The following FAM81A variants were observed in gnomAD, a reference collection of about 807,000 sequenced individuals.
The protein encoded by FAM81A is protein FAM81A.
FAM81A carries 19 observed loss-of-function variants against 46.7 expected under a neutral mutation model. The observed-to-expected ratio is 0.41, with a 90% CI of 0.28 to 0.60. The LOEUF is 0.60. FAM81A is among the 20% of genes least tolerant of loss of function. FAM81A has a pLI of 0.34. For synonymous variants in FAM81A, 183 were observed against 152.9 expected, an observed-to-expected ratio of 1.20 and a Z score of -1.45; for missense variants, 377 against 453.5, an observed-to-expected ratio of 0.83 and a Z score of 1.53.
intron 1 of FAM81A, chr15:59,402,078 C>T: frequency 4.0e-6 from 2 of 502,918 alleles, no homozygotes; most frequent in Non-Finnish European, 7.1e-6. Context: ...TCTTAGAGAC[C>T]CATGAGCTGA....
At chr15:59,478,656 G>C (rs2141703979) in intron 3 of FAM81A, among the ~76,000 whole-genome samples, 1 of 152,280 alleles carries the variant, frequency 6.6e-6, no homozygotes, top group East Asian at 1.9e-4. Flanking sequence ...AATTCATTTT[G>C]TTTTCATTCT....
intron 2 of FAM81A, among the ~76,000 whole-genome samples, chr15:59,426,617 A>G (rs1174319155): frequency 1.3e-5 from 2 of 152,228 alleles, no homozygotes; most frequent in Non-Finnish European, 2.9e-5. Flanking sequence ...TGTCTCAAAA[A>G]CACCCAAACA....
intron 2 of FAM81A, among the ~76,000 whole-genome samples, chr15:59,422,483 T>A (rs2081178361): frequency 6.6e-6 from 1 of 152,070 alleles, no homozygotes; most frequent in Non-Finnish European, 1.5e-5. Context: ...TTATTTTATT[T>A]ATTTATTTTT....
At chr15:59,435,043 C>A (rs1201612623), upstream of FAM81A, among the ~76,000 whole-genome samples, 2 of 152,222 alleles carry the variant, frequency 1.3e-5, no homozygotes, top group Non-Finnish European at 2.9e-5. Context: ...AATCCCAGCA[C>A]TTTGGGAGGC....
intron 6 of FAM81A, among the ~76,000 whole-genome samples, chr15:59,513,744 A>G (rs979524527): frequency 2.0e-5 from 3 of 152,204 alleles, no homozygotes; most frequent in African/African-American, 7.2e-5. Flanking sequence ...CCAAAGGAAT[A>G]TACATCATTC....
chr15:59,412,637 G>A lies in FAM81A; in HGVS notation c.-78+10279G>A, dbSNP rs192796123. On this transcript the variant is annotated intron_variant, in intron 2 of 4. Coordinates refer to the FAM81A transcript ENST00000558348. Reference sequence around the variant, plus strand: ...AGCTATTCTGGAGGTTGAGGTGGGAGAATTGCCTGAGTCCAGGAGGTTGAG... The same window carrying A: ...AGCTATTCTGGAGGTTGAGGTGGGAAAATTGCCTGAGTCCAGGAGGTTGAG... Among the ~76,000 whole-genome samples the A allele has an allele frequency of 5.3e-5, 8 of 151,946 alleles. No homozygotes were observed. In the East Asian group the frequency reaches 1.4e-3, roughly 26 times the overall value.
At chr15:59,450,468 C>G (rs1250445087) in intron 1 of FAM81A, among the ~76,000 whole-genome samples, 2 of 152,046 alleles carry the variant, frequency 1.3e-5, no homozygotes, top group African/African-American at 2.4e-5. Flanking sequence ...TTCAGCTTTA[C>G]TAGATATTCA....
At chr15:59,507,438 G>C (rs745313016) in intron 5 of FAM81A, 96 bp downstream of exon 5, 14 of 1,479,628 alleles carry the variant, frequency 9.5e-6, no homozygotes, top group Non-Finnish European at 1.2e-5. Flanking sequence ...AAACCAGCTG[G>C]GGCATCTAGC....
intron 1 of FAM81A, chr15:59,401,395 GTTC>G: frequency 1.3e-6 from 1 of 791,974 alleles, no homozygotes; most frequent in Non-Finnish European, 2.3e-6. Context: ...GGGACGACGG[GTTC>G]TTCTTTACAC....
chr15:59,461,876 G>C (rs912777136), intron 3 of FAM81A, among the ~76,000 whole-genome samples: 3 of 152,072 alleles, frequency 2.0e-5, no homozygotes, highest in Non-Finnish European at 4.4e-5. Flanking sequence ...GAGTAGAATT[G>C]CTGGGTCTTA....
chr15:59,421,152 C>A (rs1161158737), intron 2 of FAM81A, among the ~76,000 whole-genome samples: 1 of 152,170 alleles, frequency 6.6e-6, no homozygotes, highest in Non-Finnish European at 1.5e-5. Flanking sequence ...ATCCTGTAGA[C>A]CCAGGTTGGG....
At chr15:59,516,889 A>G in intron 8 of FAM81A, 49 bp downstream of exon 8, 1 of 1,485,308 alleles carries the variant, frequency 6.7e-7, no homozygotes, top group Non-Finnish European at 9.0e-7. Flanking sequence ...TGTTTGTTCT[A>G]AAACCTATTA....
chr15:59,480,170 T>C (rs145490185), intron 3 of FAM81A, among the ~76,000 whole-genome samples: 4 of 152,276 alleles, frequency 2.6e-5, no homozygotes, highest in Non-Finnish European at 5.9e-5. Context: ...CAATTTGATA[T>C]ATGAGGCTGG....
chr15:59,400,069 G>C (rs1261734722), intron 1 of FAM81A, among the ~76,000 whole-genome samples: 2 of 151,996 alleles, frequency 1.3e-5, no homozygotes, highest in Admixed American at 6.6e-5. Context: ...CATTTTTATC[G>C]TAACTGTTAC....
chr15:59,478,719 A>G (rs959679591), intron 3 of FAM81A, among the ~76,000 whole-genome samples: 2 of 151,642 alleles, frequency 1.3e-5, no homozygotes, highest in African/African-American at 4.8e-5. Context: ...GAAGACAGTA[A>G]ATTGAATGGA....
intron 2 of FAM81A, among the ~76,000 whole-genome samples, chr15:59,417,928 C>T (rs1447265057): frequency 6.6e-6 from 1 of 152,094 alleles, no homozygotes; most frequent in Non-Finnish European, 1.5e-5. Context: ...TCCCTCCCCA[C>T]AACCCACGAC....
chr15:59,488,993 C>G (rs180718781), intron 3 of FAM81A, among the ~76,000 whole-genome samples: 1 of 151,930 alleles, frequency 6.6e-6, no homozygotes, highest in South Asian at 2.1e-4. Flanking sequence ...AGGCTGGGTG[C>G]GGTGGCTCAC....
At chr15:59,474,567 C>T (rs922870535) in intron 3 of FAM81A, among the ~76,000 whole-genome samples, 5 of 152,176 alleles carry the variant, frequency 3.3e-5, no homozygotes, top group South Asian at 2.1e-4. Context: ...TGAAATACCA[C>T]GCCTCTTAAT....
intron 3 of FAM81A, among the ~76,000 whole-genome samples, chr15:59,479,099 C>T (rs562668772): frequency 6.6e-6 from 1 of 152,214 alleles, no homozygotes; most frequent in Non-Finnish European, 1.5e-5. Context: ...TGATCTTCGC[C>T]CTGCTGCACA....
Sources: gnomAD v4.1 joint callset for allele counts (sites outside exome capture counted in the v4.1 genomes callset) on GRCh38, gnomAD v4.1.1 for gene constraint, MANE v1.5 for transcripts, NCBI Gene and HGNC (gene_info 2026-07-23, HGNC 2026-07-21) for gene names.